RAB11FIP3: variants seen among roughly 807,000 people sequenced by gnomAD.
RAB11FIP3 encodes the protein RAB11 family interacting protein 3.
Under a neutral mutation model 77.8 loss-of-function variants are expected in RAB11FIP3, and 17 were observed. That is an observed-to-expected ratio of 0.22 (90% CI 0.15 to 0.33). RAB11FIP3 has a LOEUF of 0.33. Ranked by LOEUF, RAB11FIP3 falls within the 10% of genes least tolerant of loss-of-function variation. RAB11FIP3 has a pLI of 1.00. For missense variants in RAB11FIP3, 1,005 were observed against 1,011.2 expected, an observed-to-expected ratio of 0.99 and a Z score of 0.08; for synonymous variants, 437 against 448.2, an observed-to-expected ratio of 0.98 and a Z score of 0.31.
At chr16:436,677 T>C (rs1230045660) in intron 1 of RAB11FIP3, among the ~76,000 whole-genome samples, 1 of 152,098 alleles carries the variant, frequency 6.6e-6, no homozygotes, top group Admixed American at 6.6e-5. Context: ...AGGCGAGGTT[T>C]TGCCATGTTG....
chr16:451,543 G>A (rs979286625), intron 1 of RAB11FIP3: 1 of 152,244 alleles, frequency 6.6e-6, no homozygotes, highest in African/African-American at 2.4e-5. Flanking sequence ...GCTGTGATTA[G>A]AAGGACTTAG....
chr16:451,166 C>T (rs935406050), intron 1 of RAB11FIP3, among the ~76,000 whole-genome samples: 3 of 152,048 alleles, frequency 2.0e-5, no homozygotes, highest in African/African-American at 7.3e-5. Flanking sequence ...TTGTACCCTT[C>T]AGATGGGTGA....
chr16:461,406 G>A lies in RAB11FIP3; in HGVS notation c.717G>A (p.Val239=), dbSNP rs768682230. 9.9e-6 allele frequency: 16 copies of A among 1,612,872 alleles called. No individual in the cohort carries two copies. In the Admixed American group the frequency reaches 1.3e-4, roughly 13 times the overall value. The stretch of plus-strand genomic sequence containing the variant: ...CTAGTCTCATTTGGCAATTACAGGT[G>A]AAGGACTTAACTAAGTACTTGGATC... ...QFATVYGAEQ[V]KDLTKYLDPS... is the part of the protein sequence containing the mutation. The change falls in exon 2 of 14, where the codon GTG becomes GTA. Residue 239 remains valine (V), a splice_region_variant and synonymous_variant. Transcript: ENST00000262305. The surrounding 1 kb of genome is among the most constrained non-coding windows in gnomAD (Gnocchi z 4.5).
chr16:436,507 G>C (rs894835835), intron 1 of RAB11FIP3, among the ~76,000 whole-genome samples: 1 of 152,044 alleles, frequency 6.6e-6, no homozygotes, highest in Non-Finnish European at 1.5e-5. Flanking sequence ...TTTGAGACAG[G>C]GTTTGGCCCT....
At chr16:484,955 T>G (rs1309598313) in intron 4 of RAB11FIP3, among the ~76,000 whole-genome samples, 1 of 152,112 alleles carries the variant, frequency 6.6e-6, no homozygotes, top group East Asian at 1.9e-4. Context: ...CATGTGGCCA[T>G]GTCTGCTCTC....
At chr16:497,356 C>T (rs1163069913) in intron 6 of RAB11FIP3, 6 of 1,303,032 alleles carry the variant, frequency 4.6e-6, no homozygotes, top group Non-Finnish European at 5.1e-6. Flanking sequence ...TCTTCCTCCC[C>T]TGCCAGTTCT....
Position 520,481 on chromosome 16 carries a change from AGAACGAGGAGCT to A in RAB11FIP3, c.2045_2056del (p.Glu682_Asn685del). On this transcript the variant is annotated inframe_deletion, in exon 13 of 14. Transcript: ENST00000262305. ...CAGGACAACCGCAACCTGAAGGAGCAGAACGAGGAGCTGAACGGGCAGATCATTACCCTCAGC... is the reference window on the plus strand; with the variant it reads ...CAGGACAACCGCAACCTGAAGGAGCAGAACGGGCAGATCATTACCCTCAGC... 6.2e-7 allele frequency: 1 copy of A among 1,613,624 alleles called. No homozygotes were observed. The highest frequency in any genetic ancestry group is 8.5e-7 in the Non-Finnish European group (1 of 1,180,024).
chr16:502,711 C>T (rs1429577397), intron 6 of RAB11FIP3: 2 of 492,098 alleles, frequency 4.1e-6, no homozygotes, highest in Non-Finnish European at 3.6e-6. Flanking sequence ...CTCTGCCACT[C>T]GCTGGCTGGG....
chr16:463,091 T>G lies in RAB11FIP3; in HGVS notation c.808+1594T>G, dbSNP rs145731748. ...CTCGGTTCTTCACAGTGGCCGTGCC[T>G]TTTCACACTCTCACCAGTCCCCATA... On this transcript the variant is annotated intron_variant, in intron 2 of 13. Transcript: ENST00000262305. Among the ~76,000 whole-genome samples, 928 of 152,290 alleles carry G rather than the reference T, an allele frequency of 6.1e-3. 10 individuals carry two copies. Among genetic ancestry groups the G allele is most frequent in the African/African-American group, 0.021 (883 of 41,560 alleles).
intron 5 of RAB11FIP3, among the ~76,000 whole-genome samples, chr16:493,796 G>A (rs546313675): frequency 6.5e-4 from 94 of 145,582 alleles, no homozygotes; most frequent in Admixed American, 1.5e-3. Context: ...TAGTAGACAC[G>A]GGGTTTCACC....
rs34545276 is a variant in RAB11FIP3 at position 448,738 on chromosome 16, GAAA to G, written c.715-12648_715-12646del. Among the ~76,000 whole-genome samples, 492 of 88,130 alleles carry G rather than the reference GAAA, an allele frequency of 5.6e-3. 3 individuals are homozygous for G. Among genetic ancestry groups the G allele is most frequent in the African/African-American group, 0.02 (446 of 22,128 alleles). 57.8% of individuals were successfully genotyped at this position (88,130 alleles called of 152,430 possible). On this transcript the variant is annotated intron_variant, in intron 1 of 13. Transcript: ENST00000262305. ...GCAGCAGAACGAGACTCCGTCTCAA[GAAA>G]AAAAAAAAAAAAAAAAATACAAAAT...
chr16:487,234 C>G (rs1160792964), intron 4 of RAB11FIP3, among the ~76,000 whole-genome samples: 2 of 151,926 alleles, frequency 1.3e-5, no homozygotes, highest in South Asian at 4.2e-4. Flanking sequence ...AGGTTCACAC[C>G]ATTCTCCTGT....
intron 7 of RAB11FIP3, among the ~76,000 whole-genome samples, chr16:503,692 C>T (rs949171368): frequency 1.3e-5 from 2 of 152,008 alleles, no homozygotes; most frequent in Non-Finnish European, 2.9e-5. Context: ...TCAGCCTGGC[C>T]AACATAGTGA....
intron 1 of RAB11FIP3, among the ~76,000 whole-genome samples, chr16:442,360 A>G (rs1441032865): frequency 6.6e-6 from 1 of 151,694 alleles, no homozygotes; most frequent in East Asian, 1.9e-4. Flanking sequence ...GTCTTGGGGG[A>G]GTTTGGGCAT....
rs1314182848 is a variant in RAB11FIP3, at chr16:506,537, G to A, written c.1499+910G>A. Among the ~76,000 whole-genome samples the A allele has an allele frequency of 1.3e-5, 2 of 152,202 alleles. No homozygotes were observed. The highest frequency in any genetic ancestry group is 2.1e-4 in the South Asian group (1 of 4,832). On this transcript the variant is annotated intron_variant, in intron 8 of 13. Transcript: ENST00000262305. This position sits in a 1 kb window ranked among gnomAD's most constrained non-coding sequence, Gnocchi z 4.5. ...AAGCTTCAGTGTCTTCATCACCACT[G>A]AGCAGGTAGATTCAGGGCTCTGAGC...
chr16:440,033 G>A (rs2055198188), intron 1 of RAB11FIP3, among the ~76,000 whole-genome samples: 1 of 152,102 alleles, frequency 6.6e-6, no homozygotes, highest in South Asian at 2.1e-4. Flanking sequence ...GTAGACACGG[G>A]GTTTCACTGT....
intron 1 of RAB11FIP3, among the ~76,000 whole-genome samples, chr16:441,996 G>T (rs537881489): frequency 1.0e-3 from 156 of 152,168 alleles, no homozygotes; most frequent in African/African-American, 3.6e-3. Context: ...CCGCCACCAC[G>T]CCTGGCTAAT....
chr16:503,033 T>C lies in RAB11FIP3; in HGVS notation c.1331T>C (p.Met444Thr). 6.2e-7 allele frequency: 1 copy of C among 1,612,998 alleles called. No individual in the cohort carries two copies. The highest frequency in any genetic ancestry group is 8.5e-7 in the Non-Finnish European group (1 of 1,179,590). The change falls in exon 7 of 14, where the codon ATG (methionine) becomes ACG (threonine). Residue 444 changes from methionine to threonine, a missense_variant. Coordinates refer to ENST00000262305, the MANE Select transcript of RAB11FIP3 (RefSeq NM_014700.4). ...CTGCACCAGTCAGGGGCCCTGACCA[T>C]GGAGGCCCTGGAGGACCCTTCCCCC... ...RYLHQSGALT[M>T]EALEDPSPEL...
At chr16:438,174 A>G (rs2055163084) in intron 1 of RAB11FIP3, among the ~76,000 whole-genome samples, 1 of 148,496 alleles carries the variant, frequency 6.7e-6, no homozygotes, top group African/African-American at 2.5e-5. Flanking sequence ...GTGGTGTGAT[A>G]TCCACTTACT....
Sources: allele counts gnomAD v4.1 joint callset (sites outside exome capture counted in the v4.1 genomes callset), GRCh38; gene constraint gnomAD v4.1.1; non-coding constraint Gnocchi (gnomAD v3.1); transcripts MANE v1.5; gene names NCBI Gene and HGNC (gene_info 2026-07-23, HGNC 2026-07-21).